TWIST2: variants seen among roughly 807,000 people sequenced by gnomAD.
TWIST2 encodes the protein twist-related protein 2.
A neutral mutation model predicts 11.6 loss-of-function variants in TWIST2; 1 was observed. The ratio of observed to expected loss-of-function variants is 0.09; its 90% confidence interval spans 0.03 to 0.41. TWIST2 has a LOEUF of 0.41. Ranked by LOEUF, TWIST2 falls within the 10% of genes least tolerant of loss-of-function variation. The probability of loss-of-function intolerance (pLI) is 0.98; values close to 1 mark genes in which losing one functional copy is unlikely to be tolerated. For synonymous variants in TWIST2, 87 were observed against 96.6 expected (o/e 0.90, Z 0.58); for missense variants, 168 against 226.4 (o/e 0.74, Z 1.66).
At chr2:238,852,585 G>A (rs1692261154) in intron 1 of TWIST2, among the ~76,000 whole-genome samples, 2 of 152,262 alleles carry the variant, frequency 1.3e-5, no homozygotes, top group Admixed American at 1.3e-4. Flanking sequence ...ACTACAAACA[G>A]AAACTGATTA....
intron 1 of TWIST2, among the ~76,000 whole-genome samples, chr2:238,860,120 C>T (rs541471213): frequency 5.1e-4 from 78 of 152,292 alleles, no homozygotes; most frequent in African/African-American, 1.6e-3. Flanking sequence ...CTCGTCTGCC[C>T]GCTCGGTGGA....
chr2:238,898,506 G>A (rs1465724148), intron 1 of TWIST2, among the ~76,000 whole-genome samples: 10 of 152,348 alleles, frequency 6.6e-5, no homozygotes, highest in African/African-American at 2.4e-4. Context: ...AGGATGCAAA[G>A]ATCGCTTGGA....
At chr2:238,851,295 C>T (rs1389593275) in intron 1 of TWIST2, among the ~76,000 whole-genome samples, 1 of 152,176 alleles carries the variant, frequency 6.6e-6, no homozygotes, top group Non-Finnish European at 1.5e-5. Context: ...CTTCTTTGGC[C>T]TGGTATTTAA....
chr2:238,892,185 G>A (rs1314451182), intron 1 of TWIST2, among the ~76,000 whole-genome samples: 2 of 99,674 alleles, frequency 2.0e-5, no homozygotes, highest in African/African-American at 5.7e-5. Context: ...AGGACTCAGC[G>A]GGTGAGAGAC....
chr2:238,898,148 G>A (rs1281915178), intron 1 of TWIST2, among the ~76,000 whole-genome samples: 13 of 152,234 alleles, frequency 8.5e-5, no homozygotes, highest in African/African-American at 3.1e-4. Flanking sequence ...GGTGCTGGGG[G>A]TGGGGCCAGC....
chr2:238,851,866 A>T (rs1383198696), intron 1 of TWIST2, among the ~76,000 whole-genome samples: 1 of 152,246 alleles, frequency 6.6e-6, no homozygotes, highest in Non-Finnish European at 1.5e-5. Flanking sequence ...TAGGGATTTG[A>T]CCTGTTAATG....
At position 238,848,503 on chromosome 2, in the gene TWIST2, G is replaced by A; in HGVS notation, c.288G>A (p.Leu96=). ...CGCTGCGCAAGATCATCCCCACGCTGCCCTCTGACAAGCTGAGCAAGATCC... is the reference window on the plus strand; with the variant it reads ...CGCTGCGCAAGATCATCCCCACGCTACCCTCTGACAAGCTGAGCAAGATCC... ...FAALRKIIPT[L]PSDKLSKIQT... The change falls in exon 1 of 2, where the codon CTG becomes CTA. Residue 96 remains leucine, a synonymous_variant. Transcript: ENST00000612363. 2 of 1,588,356 alleles carry A rather than the reference G, an allele frequency of 1.3e-6. No individual in the cohort carries two copies. The highest frequency in any genetic ancestry group is 8.6e-7 in the Non-Finnish European group (1 of 1,168,828).
chr2:238,897,899 A>G (rs954831465), intron 1 of TWIST2, among the ~76,000 whole-genome samples: 30 of 151,600 alleles, frequency 2.0e-4, no homozygotes, highest in African/African-American at 7.3e-4. Flanking sequence ...AGCAGGAGGG[A>G]CTCTCCCGAG....
chr2:238,851,169 A>G (rs1017819946), intron 1 of TWIST2, among the ~76,000 whole-genome samples: 9 of 152,238 alleles, frequency 5.9e-5, no homozygotes, highest in African/African-American at 2.2e-4. Context: ...CACGTATGTG[A>G]AGAAAACTGT....
At chr2:238,859,976 A>G (rs1255400249) in intron 1 of TWIST2, among the ~76,000 whole-genome samples, 1 of 152,146 alleles carries the variant, frequency 6.6e-6, no homozygotes, top group African/African-American at 2.4e-5. Context: ...GCTTGCAGTC[A>G]GCCTCTAGAT....
At chr2:238,853,221 CTTT>C (rs1317958487) in intron 1 of TWIST2, among the ~76,000 whole-genome samples, 1 of 152,136 alleles carries the variant, frequency 6.6e-6, no homozygotes, top group Admixed American at 6.5e-5. Context: ...GTTATATTTG[CTTT>C]TTAAGATACT....
In TWIST2 at chr2:238,864,539, C is replaced by T. The variant is rs1040024210; in HGVS notation, c.*35+15806C>T. On this transcript the variant is annotated intron_variant, in intron 1 of 1. Transcript: ENST00000612363. This position sits in a 1 kb window ranked among gnomAD's most constrained non-coding sequence, Gnocchi z 4.7. ...TCCCAGTTCCAAGGCGCGCCCCACC[C>T]GGCCCCCAGGCCAGGTCAGCCTGGG... 1.7e-4 allele frequency among the ~76,000 whole-genome samples: 26 copies of T among 152,106 alleles called. No individual in the cohort carries two copies. The highest frequency in any genetic ancestry group is 5.5e-4 in the African/African-American group (23 of 41,536).
At chr2:238,892,116 G>A (rs1323771895) in intron 1 of TWIST2, among the ~76,000 whole-genome samples, 1 of 152,142 alleles carries the variant, frequency 6.6e-6, no homozygotes, top group Non-Finnish European at 1.5e-5. Flanking sequence ...ACCTGCCCTC[G>A]GGACCCTGAC....
chr2:238,893,311 C>T (rs1288306435), intron 1 of TWIST2, among the ~76,000 whole-genome samples: 3 of 38,820 alleles, frequency 7.7e-5, no homozygotes, highest in Non-Finnish European at 2.1e-4. Flanking sequence ...TAAAAACGGC[C>T]TATTTTTTTC....
In TWIST2 at chr2:238,867,749, A is replaced by G. The variant is rs555672686; in HGVS notation, c.*35+19016A>G. On this transcript the variant is annotated intron_variant, in intron 1 of 1. Transcript: ENST00000612363. The surrounding 1 kb of genome is among the most constrained non-coding windows in gnomAD (Gnocchi z 4.8). ...AACTAGAAACTGAAAAGGCAGTCAC[A>G]TCCTCATCAGAAAGAAATTGATGGT... Among the ~76,000 whole-genome samples the G allele has an allele frequency of 6.6e-6, 1 of 152,310 alleles. No homozygotes were observed. The highest frequency in any genetic ancestry group is 1.9e-4 in the East Asian group (1 of 5,158).
intron 1 of TWIST2, among the ~76,000 whole-genome samples, chr2:238,855,767 A>G (rs919227507): frequency 1.3e-5 from 2 of 152,218 alleles, no homozygotes; most frequent in Non-Finnish European, 2.9e-5. Flanking sequence ...ACACGTGGAA[A>G]TACAGACTGT....
intron 1 of TWIST2, among the ~76,000 whole-genome samples, chr2:238,898,855 G>C (rs1693237182): frequency 6.6e-6 from 1 of 152,282 alleles, no homozygotes; most frequent in Non-Finnish European, 1.5e-5. Flanking sequence ...TGTCTGCCCA[G>C]GTTTGCTCAG....
intron 1 of TWIST2, among the ~76,000 whole-genome samples, chr2:238,892,646 A>G (rs1693159234): frequency 1.6e-5 from 1 of 63,408 alleles, no homozygotes; most frequent in East Asian, 2.7e-4. Context: ...ACGCCTGGCT[A>G]ATTTTTTGTA....
intron 1 of TWIST2, among the ~76,000 whole-genome samples, chr2:238,877,971 T>C (rs1051379045): frequency 3.3e-5 from 5 of 152,126 alleles, no homozygotes; most frequent in Admixed American, 6.5e-5. Context: ...GAAATGGAAC[T>C]GTGGAGAGCT....
Sources: allele counts gnomAD v4.1 joint callset (sites outside exome capture counted in the v4.1 genomes callset), GRCh38; gene constraint gnomAD v4.1.1; non-coding constraint Gnocchi (gnomAD v3.1); transcripts MANE v1.5; gene names NCBI Gene and HGNC (gene_info 2026-07-23, HGNC 2026-07-21).